ACSBG1: variants seen among roughly 807,000 people sequenced by gnomAD.
ACSBG1 encodes acyl-CoA synthetase bubblegum family member 1, also known as long-chain-fatty-acid--CoA ligase ACSBG1.
Under a neutral mutation model 80.2 loss-of-function variants are expected in ACSBG1, and 39 were observed. The observed-to-expected ratio is 0.49, with a 90% CI of 0.38 to 0.64. ACSBG1 has a LOEUF of 0.64. Among genes scored for constraint, ACSBG1 ranks in the 30% least tolerant of loss-of-function variants. The pLI is 0.00. For synonymous variants in ACSBG1, 392 were observed against 379.5 expected, an observed-to-expected ratio of 1.03 and a Z score of -0.38; for missense variants, 828 against 966.4, an observed-to-expected ratio of 0.86 and a Z score of 1.90.
At chr15:78,206,560 T>C (rs1310149219) in intron 2 of ACSBG1, among the ~76,000 whole-genome samples, 3 of 152,216 alleles carry the variant, frequency 2.0e-5, no homozygotes, top group African/African-American at 2.4e-5. Context: ...TAGATCGTGA[T>C]GGCCTTGTCA....
rs1418731943 is a variant in ACSBG1, at chr15:78,171,411, C to G, written c.*33G>C. Reference sequence around the variant, plus strand: ...GGAAGAGGCTCGGAACGCCTGCCCTCTATTCTATAGAAACTGCAGGCATAG... The same window carrying G: ...GGAAGAGGCTCGGAACGCCTGCCCTGTATTCTATAGAAACTGCAGGCATAG... On this transcript the variant is annotated 3_prime_UTR_variant, in exon 14 of 14. Transcript: ENST00000258873. The G allele has an allele frequency of 3.2e-6, 5 of 1,584,872 alleles. No homozygotes were observed. The highest frequency in any genetic ancestry group is 1.7e-4 in the Middle Eastern group (1 of 5,994).
intron 5 of ACSBG1, among the ~76,000 whole-genome samples, chr15:78,187,695 A>G (rs2075018828): frequency 6.6e-6 from 1 of 152,236 alleles, no homozygotes; most frequent in African/African-American, 2.4e-5. Flanking sequence ...AGAGCTATCT[A>G]TGACAAACCC....
intron 1 of ACSBG1, among the ~76,000 whole-genome samples, chr15:78,212,056 A>G (rs1334762496): frequency 6.6e-6 from 1 of 152,148 alleles, no homozygotes; most frequent in Non-Finnish European, 1.5e-5. Context: ...TCCCATGTGA[A>G]CGCTTCACGG....
intron 1 of ACSBG1, among the ~76,000 whole-genome samples, chr15:78,224,162 G>A (rs979746490): frequency 6.6e-6 from 1 of 152,114 alleles, no homozygotes; most frequent in Admixed American, 6.6e-5. Flanking sequence ...TGAGAAACAG[G>A]CTTGTCAACA....
Position 78,194,675 on chromosome 15 carries a change from T to A in ACSBG1, c.284A>T (p.Asp95Val). The change falls in exon 3 of 14, where the codon GAC becomes GTC. Residue 95 changes from aspartate (D) to valine (V), a missense_variant. Asp to Val is a radical substitution (Grantham distance 152). Around this residue, in one of 3 missense-constraint regions of ACSBG1, gnomAD observed 356 missense variants for 363.5 expected, o/e 0.98. Coordinates refer to ENST00000258873, the MANE Select transcript of ACSBG1 (RefSeq NM_015162.5). Reference protein sequence around the residue: ...RADGRVRLRIDPSCPQLPYTV... With the variant: ...RADGRVRLRIVPSCPQLPYTV... Reference sequence around the variant, plus strand: ...GTAGGGAAGCTGTGGGCAGCTGGGGTCTATGCGCAGGCGCACCCGCCCATC... The same window carrying A: ...GTAGGGAAGCTGTGGGCAGCTGGGGACTATGCGCAGGCGCACCCGCCCATC... The A allele has an allele frequency of 6.2e-7, 1 of 1,612,908 alleles. No individual in the cohort carries two copies. Among genetic ancestry groups the A allele is most frequent in the African/African-American group, 1.3e-5 (1 of 74,608 alleles).
chr15:78,209,181 T>C, intron 1 of ACSBG1: 1 of 456,116 alleles, frequency 2.2e-6, no homozygotes, highest in Non-Finnish European at 4.4e-6. Context: ...TTGTCGGCAC[T>C]GCAGGTTCCG....
Position 78,234,430 on chromosome 15 carries a change from G to C in ACSBG1, c.72C>G (p.Thr24=). 1.2e-6 allele frequency: 2 copies of C among 1,613,078 alleles called. No individual in the cohort carries two copies. Among genetic ancestry groups the C allele is most frequent in the Non-Finnish European group, 1.7e-6 (2 of 1,180,026 alleles). The change falls in exon 1 of 14, where the codon ACC becomes ACG. Residue 24 remains threonine, a synonymous_variant. Coordinates refer to ENST00000258873, the MANE Select transcript of ACSBG1 (RefSeq NM_015162.5). The stretch of plus-strand genomic sequence containing the variant: ...TCATGTCCTGCCGGCTCTCCTGTGG[G>C]GTCTCTCTGCTGTCCAGCATGCTGG... ...GDPSMLDSRE[T]PQESRQDMIV...
Position 78,171,384 on chromosome 15 carries a change from C to A in ACSBG1, c.*60G>T. ...GCCCAGACTGAAGAGACCTGGGGCT[C>A]AGGAAGAGGCTCGGAACGCCTGCCC... is the stretch of plus-strand genomic sequence containing the variant. On this transcript the variant is annotated 3_prime_UTR_variant, in exon 14 of 14. Transcript: ENST00000258873. 1 of 1,446,084 alleles carries A rather than the reference C, an allele frequency of 6.9e-7. No homozygotes were observed. The highest frequency in any genetic ancestry group is 9.7e-7 in the Non-Finnish European group (1 of 1,034,962). 89.6% of individuals were successfully genotyped at this position (1,446,084 alleles called of 1,614,324 possible).
intron 2 of ACSBG1, among the ~76,000 whole-genome samples, chr15:78,203,825 G>C (rs1235629600): frequency 1.3e-5 from 2 of 152,206 alleles, no homozygotes; most frequent in Non-Finnish European, 2.9e-5. Flanking sequence ...TCAGGCCTAG[G>C]ACAGATCTCT....
At chr15:78,189,834 A>AAAAT (rs1402153705) in intron 5 of ACSBG1, among the ~76,000 whole-genome samples, 1 of 151,938 alleles carries the variant, frequency 6.6e-6, no homozygotes, top group African/African-American at 2.4e-5. Context: ...ATAATAAAAT[A>AAAAT]AAATAAATAA....
In ACSBG1 at chr15:78,182,371, A is replaced by G. The variant is rs1005617907; in HGVS notation, c.894+95T>C. 1.4e-5 allele frequency: 22 copies of G among 1,521,172 alleles called. No homozygotes were observed. The Admixed American group carries it at 2.1e-4, about 14-fold the overall frequency. 94.2% of individuals were successfully genotyped at this position (1,521,172 alleles called of 1,614,324 possible). A position where few individuals can be genotyped will look rare whatever the true frequency, so the allele number is the denominator to read the frequency against. On this transcript the variant is annotated intron_variant, in intron 7 of 13. Coordinates refer to ENST00000258873, the MANE Select transcript of ACSBG1 (RefSeq NM_015162.5). ...CCAGCTCCTAGAGCAGAGGGGCCCA[A>G]GGAGCTTTCCCAGGGGCTACTGGGG...
intron 1 of ACSBG1, among the ~76,000 whole-genome samples, chr15:78,228,412 G>C (rs1242707322): frequency 6.6e-6 from 1 of 152,150 alleles, no homozygotes; most frequent in Non-Finnish European, 1.5e-5. Context: ...TAATACAGTG[G>C]GTTGGACTTA....
chr15:78,217,143 C>T (rs995038604), intron 1 of ACSBG1, among the ~76,000 whole-genome samples: 4 of 152,078 alleles, frequency 2.6e-5, no homozygotes, highest in African/African-American at 9.7e-5. Flanking sequence ...TGCTGCCAGG[C>T]CCCCCAGGCC....
intron 1 of ACSBG1, among the ~76,000 whole-genome samples, chr15:78,223,228 AAT>A (rs1165552823): frequency 6.6e-6 from 1 of 150,460 alleles, no homozygotes; most frequent in Non-Finnish European, 1.5e-5. Context: ...GCCACACAGA[AAT>A]AGAGGCGCTG....
rs2141324125 is a variant in ACSBG1, at chr15:78,178,240, G to A, written c.1702+374C>T. 6.6e-6 allele frequency among the ~76,000 whole-genome samples: 1 copy of A among 152,262 alleles called. No homozygotes were observed. The highest frequency in any genetic ancestry group is 1.9e-4 in the East Asian group (1 of 5,186). On this transcript the variant is annotated intron_variant, in intron 11 of 13. Coordinates refer to ENST00000258873, the MANE Select transcript of ACSBG1 (RefSeq NM_015162.5). This position sits in a 1 kb window ranked among gnomAD's most constrained non-coding sequence, Gnocchi z 4.3. ...GCTGGTGTAAACAGTGCTGGCAGTG[G>A]AATTCCTGCTCCCACCCCACTGCAG... is the stretch of plus-strand genomic sequence containing the variant.
At chr15:78,211,611 T>C (rs1161827190) in intron 1 of ACSBG1, among the ~76,000 whole-genome samples, 1 of 152,294 alleles carries the variant, frequency 6.6e-6, no homozygotes, top group East Asian at 1.9e-4. Flanking sequence ...CCCAGCAGCA[T>C]GGGAACAAGA....
intron 5 of ACSBG1, among the ~76,000 whole-genome samples, chr15:78,190,586 AAAAG>A (rs1331384003): frequency 1.3e-5 from 2 of 151,710 alleles, no homozygotes; most frequent in East Asian, 2.0e-4. Flanking sequence ...AAAAAAAGAA[AAAAG>A]AAAGAAAGAT....
At chr15:78,194,752 T>C in intron 2 of ACSBG1, 26 bp from the exon 3 acceptor site, 1 of 1,603,684 alleles carries the variant, frequency 6.2e-7, no homozygotes, top group South Asian at 1.1e-5. Context: ...GACCACAGCT[T>C]GGATCATGCC....
At chr15:78,199,612 A>G (rs961902247) in intron 2 of ACSBG1, among the ~76,000 whole-genome samples, 9 of 151,724 alleles carry the variant, frequency 5.9e-5, no homozygotes, top group African/African-American at 1.9e-4. Context: ...CAATTTAGCC[A>G]TTCCACAAAG....
Sources: allele counts gnomAD v4.1 joint callset (sites outside exome capture counted in the v4.1 genomes callset), GRCh38; gene constraint gnomAD v4.1.1; regional missense constraint gnomAD v4.1.1; non-coding constraint Gnocchi (gnomAD v3.1); transcripts MANE v1.5; gene names NCBI Gene and HGNC (gene_info 2026-07-23, HGNC 2026-07-21).